ARID1B: variants seen among roughly 807,000 people sequenced by gnomAD.
The protein encoded by ARID1B is AT-rich interactive domain-containing protein 1B.
A neutral mutation model predicts 212.3 loss-of-function variants in ARID1B; 30 were observed. That is an observed-to-expected ratio of 0.14 (90% CI 0.11 to 0.19). The LOEUF (loss-of-function observed/expected upper bound fraction) is 0.19, where lower values mean the gene tolerates loss of function less well. ARID1B is among the 10% of genes least tolerant of loss of function. The probability of loss-of-function intolerance (pLI) is 1.00; values close to 1 mark genes in which losing one functional copy is unlikely to be tolerated. For synonymous variants in ARID1B, 1,402 were observed against 1,301.7 expected (o/e 1.08, Z -1.66); for missense variants, 2,891 against 3,204.0 (o/e 0.90, Z 2.36).
intron 4 of ARID1B, among the ~76,000 whole-genome samples, chr6:157,033,505 G>A (rs12199527): frequency 6.6e-6 from 1 of 152,040 alleles, no homozygotes; most frequent in African/African-American, 2.4e-5. Context: ...TAAAAAGGAC[G>A]TTGAAAGTGA....
intron 8 of ARID1B, among the ~76,000 whole-genome samples, chr6:157,160,176 C>A (rs1042230792): frequency 2.6e-5 from 4 of 152,164 alleles, no homozygotes; most frequent in African/African-American, 9.7e-5. Context: ...AGGGTTCCTG[C>A]ATAGGGAGGA....
intron 6 of ARID1B, among the ~76,000 whole-genome samples, chr6:157,116,698 G>T (rs1296919151): frequency 5.9e-5 from 9 of 151,930 alleles, no homozygotes; most frequent in Admixed American, 5.2e-4. Context: ...TGGCACCATT[G>T]TGTGGCCATC....
chr6:157,041,875 G>C (rs1057189469), intron 4 of ARID1B, among the ~76,000 whole-genome samples: 1 of 152,074 alleles, frequency 6.6e-6, no homozygotes, highest in Non-Finnish European at 1.5e-5. Context: ...CTCTTACTAA[G>C]GTCCCCAACG....
In ARID1B at chr6:157,210,558, T is replaced by G. The variant is rs1794704837; in HGVS notation, c.*2667T>G. On this transcript the variant is annotated 3_prime_UTR_variant, in exon 20 of 20. Transcript: ENST00000636930. ...CATATTCTCACCCCCGAATCAAGAT[T>G]TACAGAAGCCCACGAAGAATTTACA... is the stretch of plus-strand genomic sequence containing the variant. 4.3e-6 allele frequency: 1 copy of G among 232,526 alleles called. No individual in the cohort carries two copies. Among genetic ancestry groups the G allele is most frequent in the African/African-American group, 2.2e-5 (1 of 45,284 alleles). The allele number at this position is 232,526 out of a possible 1,614,324, so 14.4% of individuals were successfully genotyped here. A position where few individuals can be genotyped will look rare whatever the true frequency, so the allele number is the denominator to read the frequency against.
chr6:157,180,079 G>C (rs1042278007), intron 11 of ARID1B, among the ~76,000 whole-genome samples: 4 of 152,124 alleles, frequency 2.6e-5, no homozygotes, highest in African/African-American at 9.7e-5. Flanking sequence ...TGCAAATATT[G>C]TAAATATTTT....
chr6:156,860,378 A>G (rs1478501267), intron 2 of ARID1B, among the ~76,000 whole-genome samples: 1 of 150,096 alleles, frequency 6.7e-6, no homozygotes, highest in Non-Finnish European at 1.5e-5. Flanking sequence ...TTTGGTTTTG[A>G]TTGGAATGAA....
intron 4 of ARID1B, among the ~76,000 whole-genome samples, chr6:157,054,113 A>G (rs1782782308): frequency 1.3e-5 from 2 of 151,930 alleles, no homozygotes; most frequent in Non-Finnish European, 2.9e-5. Flanking sequence ...AATCCCAGCT[A>G]TTCGGAAGGC....
chr6:156,924,000 C>G (rs962559811), intron 3 of ARID1B, among the ~76,000 whole-genome samples: 5 of 152,200 alleles, frequency 3.3e-5, no homozygotes, highest in Admixed American at 2.0e-4. Context: ...CAGACTGATT[C>G]TCATTCTTAA....
At chr6:157,036,942 T>C in intron 4 of ARID1B, 1 of 454,380 alleles carries the variant, frequency 2.2e-6, no homozygotes, top group Non-Finnish European at 4.3e-6. Flanking sequence ...ATTTGAAGGT[T>C]CAACAGAGGG....
intron 3 of ARID1B, among the ~76,000 whole-genome samples, chr6:156,935,136 C>A (rs560667838): frequency 6.6e-6 from 1 of 151,864 alleles, no homozygotes; most frequent in East Asian, 1.9e-4. Flanking sequence ...CTCTGTCACC[C>A]AGGCTGGAGT....
intron 7 of ARID1B, among the ~76,000 whole-genome samples, chr6:157,139,384 G>A (rs926363163): frequency 4.0e-4 from 61 of 152,196 alleles, no homozygotes; most frequent in Non-Finnish European, 7.3e-5. Flanking sequence ...TTATTCGAAT[G>A]TTTAAAAGGA....
intron 4 of ARID1B, among the ~76,000 whole-genome samples, chr6:156,970,185 A>G (rs759265966): frequency 6.6e-6 from 1 of 152,008 alleles, no homozygotes; most frequent in Non-Finnish European, 1.5e-5. Context: ...GGTTCAAGCA[A>G]TTCTCCTGCC....
At chr6:157,163,745 AC>A (rs1791115667) in intron 8 of ARID1B, among the ~76,000 whole-genome samples, 6 of 152,244 alleles carry the variant, frequency 3.9e-5, no homozygotes, top group African/African-American at 1.4e-4. Context: ...GAGAGTTTAC[AC>A]CCTCTGGTTT....
intron 1 of ARID1B, among the ~76,000 whole-genome samples, chr6:156,823,693 T>G (rs1051462953): frequency 4.6e-4 from 70 of 150,874 alleles, no homozygotes; most frequent in Non-Finnish European, 8.0e-4. Flanking sequence ...TTGTTGTTTT[T>G]TTTTTTTTTT....
chr6:157,204,243 T>C, intron 19 of ARID1B: 1 of 402,696 alleles, frequency 2.5e-6, no homozygotes. Context: ...TGTGTGTATG[T>C]GTATATGGGA....
In ARID1B at chr6:157,208,710, C is replaced by A; in HGVS notation, c.*819C>A. 4 of 171,576 alleles carry A rather than the reference C, an allele frequency of 2.3e-5. No individual in the cohort carries two copies. Among genetic ancestry groups the A allele is most frequent in the Non-Finnish European group, 3.3e-5 (3 of 90,714 alleles). 10.6% of individuals were successfully genotyped at this position (171,576 alleles called of 1,614,324 possible). On this transcript the variant is annotated 3_prime_UTR_variant, in exon 20 of 20. Transcript: ENST00000636930. Reference sequence around the variant, plus strand: ...ACATTAAACATACCCTCATTTTTTTCTTTTCTTTTTTTTTTTTTTTTTTAG... The same window carrying A: ...ACATTAAACATACCCTCATTTTTTTATTTTCTTTTTTTTTTTTTTTTTTAG...
At chr6:157,026,504 A>G (rs111591932) in intron 4 of ARID1B, among the ~76,000 whole-genome samples, 1 of 152,166 alleles carries the variant, frequency 6.6e-6, no homozygotes, top group Non-Finnish European at 1.5e-5. Flanking sequence ...GTATGCTGAC[A>G]AGTGGCGGCG....
intron 4 of ARID1B, among the ~76,000 whole-genome samples, chr6:157,008,657 G>A (rs1262037918): frequency 1.3e-5 from 2 of 152,148 alleles, no homozygotes; most frequent in Admixed American, 1.3e-4. Context: ...ACTTTGAGTT[G>A]GGTGGGAGGT....
intron 4 of ARID1B, among the ~76,000 whole-genome samples, chr6:156,945,139 G>A (rs1338570764): frequency 7.7e-6 from 1 of 129,702 alleles, no homozygotes; most frequent in Admixed American, 8.4e-5. Context: ...GTTTCACCAT[G>A]TTAGCCAGGA....
Sources: allele counts gnomAD v4.1 joint callset (sites outside exome capture counted in the v4.1 genomes callset), GRCh38; gene constraint gnomAD v4.1.1; transcripts MANE v1.5; gene names NCBI Gene and HGNC (gene_info 2026-07-23, HGNC 2026-07-21).